The following SWAP70 variants were observed in gnomAD, a reference collection of about 807,000 sequenced individuals.
SWAP70 encodes the protein switch-associated protein 70.
A neutral mutation model predicts 80.2 loss-of-function variants in SWAP70; 34 were observed. The observed-to-expected ratio is 0.42, with a 90% confidence interval of 0.32 to 0.56. SWAP70 has a LOEUF of 0.56. Among genes scored for constraint, SWAP70 ranks in the 20% least tolerant of loss-of-function variants. The probability of loss-of-function intolerance (pLI) is 0.09; values close to 1 mark genes in which losing one functional copy is unlikely to be tolerated. For synonymous variants in SWAP70, 239 were observed against 238.5 expected (o/e 1.00, Z -0.02); for missense variants, 578 against 690.7 (o/e 0.84, Z 1.83).
At chr11:9,694,848 A>G (rs1359388400) in intron 2 of SWAP70, among the ~76,000 whole-genome samples, 4 of 152,316 alleles carry the variant, frequency 2.6e-5, no homozygotes, top group Admixed American at 1.3e-4. Context: ...GAACGCTTTT[A>G]CACTGTTGGT....
chr11:9,717,414 G>T (rs1466824671), intron 3 of SWAP70, among the ~76,000 whole-genome samples: 2 of 152,050 alleles, frequency 1.3e-5, no homozygotes, highest in Non-Finnish European at 2.9e-5. Flanking sequence ...CGGGCAGATC[G>T]CTTGAGCTCA....
chr11:9,675,397 GAGAGAGAGAGAGAGA>G, intron 1 of SWAP70, among the ~76,000 whole-genome samples: 1 of 134,630 alleles, frequency 7.4e-6, no homozygotes, highest in African/African-American at 3.0e-5. Flanking sequence ...GAGAGAGAGA[GAGAGAGAGAGAGAGA>G]GAGAGAGAGG....
intron 4 of SWAP70, among the ~76,000 whole-genome samples, chr11:9,725,319 G>A (rs1851194858): frequency 1.3e-5 from 2 of 150,650 alleles, no homozygotes; most frequent in South Asian, 2.1e-4. Context: ...TTCCAGTCTT[G>A]TATTAGGCTT....
At chr11:9,700,595 AG>A (rs1850818928) in intron 2 of SWAP70, among the ~76,000 whole-genome samples, 1 of 152,210 alleles carries the variant, frequency 6.6e-6, no homozygotes. Context: ...TTAACTAAAG[AG>A]GAAACAGCTT....
chr11:9,718,497 A>G (rs1851093736), intron 3 of SWAP70, among the ~76,000 whole-genome samples: 2 of 152,260 alleles, frequency 1.3e-5, no homozygotes, highest in Admixed American at 1.3e-4. Flanking sequence ...ATTATGAAAA[A>G]TACATTCTCT....
intron 7 of SWAP70, among the ~76,000 whole-genome samples, chr11:9,733,271 G>C (rs1030244958): frequency 6.6e-6 from 1 of 152,178 alleles, no homozygotes; most frequent in Non-Finnish European, 1.5e-5. Context: ...CCCAGGGGTG[G>C]TAGTGAGTCC....
chr11:9,671,217 A>G (rs1288381907), intron 1 of SWAP70, among the ~76,000 whole-genome samples: 3 of 87,858 alleles, frequency 3.4e-5, no homozygotes, highest in Non-Finnish European at 5.8e-5. Context: ...ATATAAATAT[A>G]AAAATATATA....
chr11:9,705,275 A>T (rs1045223507), intron 2 of SWAP70, among the ~76,000 whole-genome samples: 1 of 134,868 alleles, frequency 7.4e-6, no homozygotes, highest in African/African-American at 3.3e-5. Context: ...TGATATGTAT[A>T]CACTGGTGAT....
intron 1 of SWAP70, among the ~76,000 whole-genome samples, chr11:9,682,949 TA>T (rs1402312563): frequency 6.6e-6 from 1 of 152,222 alleles, no homozygotes; most frequent in Non-Finnish European, 1.5e-5. Flanking sequence ...GTGCTGGGAT[TA>T]TAGGTGTGAG....
chr11:9,672,962 A>G (rs1438236519), intron 1 of SWAP70, among the ~76,000 whole-genome samples: 1 of 152,200 alleles, frequency 6.6e-6, no homozygotes. Context: ...CTCTCACACC[A>G]CAATAACAAT....
Position 9,747,941 on chromosome 11 carries a change from C to T in SWAP70, c.1439C>T (p.Ala480Val), listed in dbSNP as rs147789282. Residue 480 changes from alanine to valine, a missense_variant, in exon 10 of 12, where the codon GCG (alanine) becomes GTG (valine). By Grantham distance (64) the Ala-to-Val change is moderately conservative (BLOSUM62 0). Coordinates refer to ENST00000318950, the MANE Select transcript of SWAP70 (RefSeq NM_015055.4). The stretch of plus-strand genomic sequence containing the variant: ...CAGCAGGCCATTCAGACAACCGAGG[C>T]GGAGAAGCAGGAGTTGGAGAATCAG... ...EQQQAIQTTE[A>V]EKQELENQRV... is the part of the protein sequence containing the mutation. 2.9e-5 allele frequency: 46 copies of T among 1,613,972 alleles called. No individual in the cohort carries two copies. The highest frequency in any genetic ancestry group is 1.6e-4 in the Middle Eastern group (1 of 6,084).
At chr11:9,737,347 C>G (rs1297106274) in intron 7 of SWAP70, among the ~76,000 whole-genome samples, 3 of 152,188 alleles carry the variant, frequency 2.0e-5, no homozygotes, top group African/African-American at 7.2e-5. Flanking sequence ...CACAGACCCT[C>G]ACGATTCTTA....
chr11:9,675,373 GAGAGAGAGAGAGA>G, intron 1 of SWAP70, among the ~76,000 whole-genome samples: 1 of 56,588 alleles, frequency 1.8e-5, no homozygotes, highest in East Asian at 4.8e-4. Context: ...GAGAGAGAGA[GAGAGAGAGAGAGA>G]GAGAGAGAGA....
intron 1 of SWAP70, among the ~76,000 whole-genome samples, chr11:9,682,245 C>A (rs12797744): frequency 0.19 from 29,035 of 152,134 alleles, 3,561 homozygotes; most frequent in Non-Finnish European, 0.27. Context: ...GGTGACAGAG[C>A]GGCTCACGCA....
intron 1 of SWAP70, among the ~76,000 whole-genome samples, chr11:9,677,617 T>C (rs566360302): frequency 6.6e-5 from 10 of 152,306 alleles, no homozygotes; most frequent in Admixed American, 1.3e-4. Context: ...TAGTGATATT[T>C]TTTGCAACCT....
At chr11:9,715,690 G>C (rs1469510633) in intron 3 of SWAP70, among the ~76,000 whole-genome samples, 2 of 152,208 alleles carry the variant, frequency 1.3e-5, no homozygotes, top group Non-Finnish European at 2.9e-5. Flanking sequence ...AAAGCCATCA[G>C]ATCTCATGAG....
chr11:9,672,530 A>T lies in SWAP70; in HGVS notation c.99+8252A>T, dbSNP rs1309189129. 1.5e-3 allele frequency among the ~76,000 whole-genome samples: 132 copies of T among 88,416 alleles called. 3 individuals are homozygous for T. The Admixed American group carries it at 0.015, about 10-fold the overall frequency. The allele number at this position is 88,416 out of a possible 152,430, so 58.0% of individuals were successfully genotyped here. On this transcript the variant is annotated intron_variant, in intron 1 of 11. Coordinates refer to ENST00000318950, the MANE Select transcript of SWAP70 (RefSeq NM_015055.4). ...GGGTGTATGCCACCACACCTGGCTA[A>T]TTTTTTTTTTTTTTTTTTTTTTTTG...
intron 1 of SWAP70, among the ~76,000 whole-genome samples, chr11:9,682,203 C>T (rs1414508216): frequency 3.3e-5 from 5 of 152,202 alleles, no homozygotes; most frequent in African/African-American, 1.2e-4. Flanking sequence ...CTTGTTTCCC[C>T]AGCCTCACAC....
chr11:9,748,094 T>A lies in SWAP70; in HGVS notation c.1554+38T>A, dbSNP rs774691579. ...GGCCCTGCAAACTTGTATATTTAAA[T>A]TTTTGAAAAACATTTCTCAATAATA... On this transcript the variant is annotated intron_variant, in intron 10 of 11. Transcript: ENST00000318950. 4.4e-6 allele frequency: 7 copies of A among 1,586,630 alleles called. No individual in the cohort carries two copies. In the South Asian group the frequency reaches 7.8e-5, roughly 18 times the overall value.
Sources: allele counts gnomAD v4.1 joint callset (sites outside exome capture counted in the v4.1 genomes callset), GRCh38; gene constraint gnomAD v4.1.1; transcripts MANE v1.5; gene names NCBI Gene and HGNC (gene_info 2026-07-23, HGNC 2026-07-21).